The following CLVS1 variants were observed in gnomAD, a reference collection of about 807,000 sequenced individuals.
CLVS1 encodes the protein clavesin 1.
A neutral mutation model predicts 33.1 loss-of-function variants in CLVS1; 10 were observed. The ratio of observed to expected loss-of-function variants is 0.30; its 90% CI spans 0.19 to 0.51. The LOEUF is 0.51. CLVS1 is among the 20% of genes least tolerant of loss of function. The pLI, the probability that CLVS1 is intolerant of heterozygous loss-of-function variation, is 0.97. For synonymous variants in CLVS1, 163 were observed against 166.1 expected (o/e 0.98, Z 0.14); for missense variants, 343 against 433.4 (o/e 0.79, Z 1.85).
intron 3 of CLVS1, among the ~76,000 whole-genome samples, chr8:61,392,854 A>T (rs1814362907): frequency 6.6e-6 from 1 of 151,978 alleles, no homozygotes; most frequent in Non-Finnish European, 1.5e-5. Flanking sequence ...AAAAAAACAT[A>T]TATTTTAAAT....
At chr8:61,256,500 G>A (rs555736182) in intron 2 of CLVS1, among the ~76,000 whole-genome samples, 30 of 152,068 alleles carry the variant, frequency 2.0e-4, no homozygotes, top group Non-Finnish European at 3.7e-4. Flanking sequence ...ATGACAGAGC[G>A]AGACTCCGTC....
At position 61,156,214 on chromosome 8, in the gene CLVS1, CA is replaced by C. The variant is rs56094016; in HGVS notation, c.-152+24374del. Among the ~76,000 whole-genome samples the C allele has an allele frequency of 6.6e-4, 37 of 56,330 alleles. No homozygotes were observed. The South Asian group carries it at 0.012, about 18-fold the overall frequency. The allele number at this position is 56,330 out of a possible 152,430, so 37.0% of individuals were successfully genotyped here. On this transcript the variant is annotated intron_variant, in intron 2 of 2. Transcript: ENST00000522621. Reference sequence around the variant, plus strand: ...TGGGCTACAGAGAGAGATTCCATCTCAAAAAAAAAAAAAAAAAAAAGCCTTT... The same window carrying C: ...TGGGCTACAGAGAGAGATTCCATCTCAAAAAAAAAAAAAAAAAAAGCCTTT...
At chr8:61,272,240 C>T (rs1374768994) in intron 2 of CLVS1, among the ~76,000 whole-genome samples, 1 of 152,028 alleles carries the variant, frequency 6.6e-6, no homozygotes, top group Non-Finnish European at 1.5e-5. Flanking sequence ...TTTTATTTCT[C>T]CTTCACTTAT....
At chr8:61,069,284 T>C (rs1349234392) in intron 1 of CLVS1, among the ~76,000 whole-genome samples, 1 of 152,190 alleles carries the variant, frequency 6.6e-6, no homozygotes, top group Non-Finnish European at 1.5e-5. Context: ...CTTTTTACAA[T>C]GTAGGTCATA....
intron 2 of CLVS1, among the ~76,000 whole-genome samples, chr8:61,217,522 A>G (rs1808114922): frequency 6.6e-6 from 1 of 152,174 alleles, no homozygotes; most frequent in South Asian, 2.1e-4. Context: ...TCAGTTCAAC[A>G]CACTTCAATT....
chr8:61,325,194 G>A (rs556484051), intron 2 of CLVS1, among the ~76,000 whole-genome samples: 1 of 151,242 alleles, frequency 6.6e-6, no homozygotes, highest in East Asian at 2.0e-4. Flanking sequence ...AATAACCTAT[G>A]TACACACACA....
At chr8:61,209,430 T>C (rs532698208) in intron 2 of CLVS1, among the ~76,000 whole-genome samples, 4 of 152,312 alleles carry the variant, frequency 2.6e-5, no homozygotes, top group African/African-American at 9.6e-5. Flanking sequence ...ACATTGGCTA[T>C]AGTGTGGAGT....
At chr8:61,339,703 GAGAGAGAA>G (rs773506687) in intron 2 of CLVS1, among the ~76,000 whole-genome samples, 10 of 151,782 alleles carry the variant, frequency 6.6e-5, no homozygotes, top group South Asian at 2.1e-4. Flanking sequence ...AAGAGAGGGA[GAGAGAGAA>G]AGAGAGAAAG....
intron 3 of CLVS1, among the ~76,000 whole-genome samples, chr8:61,453,182 A>G (rs1276675217): frequency 6.6e-6 from 1 of 151,992 alleles, no homozygotes; most frequent in Non-Finnish European, 1.5e-5. Context: ...TACAGCGTTT[A>G]GAGATTCCTT....
At chr8:61,212,490 G>A (rs1029835072) in intron 2 of CLVS1, among the ~76,000 whole-genome samples, 4 of 152,178 alleles carry the variant, frequency 2.6e-5, no homozygotes, top group African/African-American at 9.7e-5. Flanking sequence ...GGTCCCAAGA[G>A]ATCCTGACGA....
chr8:61,107,214 G>A (rs1805552977), intron 1 of CLVS1, among the ~76,000 whole-genome samples: 1 of 152,200 alleles, frequency 6.6e-6, no homozygotes, highest in African/African-American at 2.4e-5. Context: ...CTAAAGGCTG[G>A]ACAAGAACTC....
chr8:61,267,526 T>G (rs1168459538), intron 2 of CLVS1, among the ~76,000 whole-genome samples: 4 of 152,236 alleles, frequency 2.6e-5, no homozygotes, highest in Admixed American at 2.6e-4. Flanking sequence ...ATGGAGTATT[T>G]AGCCAACTAT....
chr8:61,199,979 T>A (rs1807694495), intron 2 of CLVS1, among the ~76,000 whole-genome samples: 2 of 152,282 alleles, frequency 1.3e-5, no homozygotes, highest in South Asian at 4.1e-4. Flanking sequence ...GGTGAGGCAT[T>A]GAGCAGGCAA....
intron 2 of CLVS1, among the ~76,000 whole-genome samples, chr8:61,234,394 G>A (rs1297115638): frequency 3.9e-5 from 6 of 152,178 alleles, no homozygotes; most frequent in African/African-American, 1.2e-4. Flanking sequence ...CATTTCCGGA[G>A]TGCTTTTTAT....
the CLVS1 span, among the ~76,000 whole-genome samples, chr8:60,974,391 C>T: frequency 1.3e-5 from 2 of 152,150 alleles, no homozygotes. Flanking sequence ...GGGGAATCAC[C>T]TACTTGATTC....
the CLVS1 span, among the ~76,000 whole-genome samples, chr8:60,971,071 CTTTTTTTT>C: frequency 1.1e-5 from 1 of 91,052 alleles, no homozygotes; most frequent in Non-Finnish European, 2.0e-5. Context: ...ATGACTTTTC[CTTTTTTTT>C]TTTTTTTTTT....
rs1036597662 is a variant in CLVS1, at chr8:61,381,614, G to A, written c.630+4835G>A. On this transcript the variant is annotated intron_variant, in intron 3 of 5. Transcript: ENST00000325897. ...TACCCTCCAACTTTAAGTAGGTCCTGGTGTCTATTATTCCCTTCTTTGTGT... is the reference window on the plus strand; with the variant it reads ...TACCCTCCAACTTTAAGTAGGTCCTAGTGTCTATTATTCCCTTCTTTGTGT... Among the ~76,000 whole-genome samples, 8 of 152,052 alleles carry A rather than the reference G, an allele frequency of 5.3e-5. No homozygotes were observed. In the East Asian group the frequency reaches 5.8e-4, roughly 11 times the overall value.
intron 3 of CLVS1, among the ~76,000 whole-genome samples, chr8:61,413,816 G>C (rs545383215): frequency 1.3e-5 from 2 of 152,314 alleles, no homozygotes; most frequent in East Asian, 3.9e-4. Flanking sequence ...CTGCCATGCA[G>C]GGCCATTCTA....
intron 2 of CLVS1, among the ~76,000 whole-genome samples, chr8:61,261,732 C>A (rs1023657894): frequency 3.3e-5 from 5 of 152,134 alleles, no homozygotes; most frequent in African/African-American, 9.7e-5. Flanking sequence ...GGAAGGGGCC[C>A]TCATAAGAAC....
Sources: gnomAD v4.1 joint callset for allele counts (sites outside exome capture counted in the v4.1 genomes callset) on GRCh38, gnomAD v4.1.1 for gene constraint, MANE v1.5 for transcripts, NCBI Gene and HGNC (gene_info 2026-07-23, HGNC 2026-07-21) for gene names.